DSE: variants seen among roughly 807,000 people sequenced by gnomAD.
DSE encodes dermatan sulfate epimerase, also known as dermatan-sulfate epimerase.
A neutral mutation model predicts 84.4 loss-of-function variants in DSE; 36 were observed. The ratio of observed to expected loss-of-function variants is 0.43; its 90% CI spans 0.33 to 0.56. The LOEUF (loss-of-function observed/expected upper bound fraction) is 0.56, where lower values mean the gene tolerates loss of function less well. Among genes scored for constraint, DSE ranks in the 20% least tolerant of loss-of-function variants. The pLI, the probability that DSE is intolerant of heterozygous loss-of-function variation, is 0.06. For synonymous variants in DSE, 410 were observed against 430.1 expected (o/e 0.95, Z 0.58); for missense variants, 862 against 1,169.6 (o/e 0.74, Z 3.84).
intron 2 of DSE, among the ~76,000 whole-genome samples, chr6:116,348,157 G>T (rs2114842609): frequency 6.6e-6 from 1 of 152,298 alleles, no homozygotes; most frequent in Admixed American, 6.5e-5. Context: ...GCTGGGCACG[G>T]TGGCTCACGC....
At chr6:116,329,585 T>C (rs1228442201) in intron 2 of DSE, among the ~76,000 whole-genome samples, 1 of 152,220 alleles carries the variant, frequency 6.6e-6, no homozygotes, top group African/African-American at 2.4e-5. Flanking sequence ...TTTTAAAGAT[T>C]TCATCACTAT....
At chr6:116,422,319 C>T (rs1490469922) in intron 2 of DSE, among the ~76,000 whole-genome samples, 1 of 152,216 alleles carries the variant, frequency 6.6e-6, no homozygotes, top group East Asian at 1.9e-4. Flanking sequence ...ATTCTTATTT[C>T]CAGTTGAAAG....
At chr6:116,339,024 T>G (rs1044319156) in intron 2 of DSE, among the ~76,000 whole-genome samples, 5 of 152,174 alleles carry the variant, frequency 3.3e-5, no homozygotes, top group African/African-American at 1.2e-4. Context: ...GCTCTGTTCA[T>G]CTGTATCCAT....
chr6:116,269,018 TAA>T (rs5879368), intron 2 of DSE, among the ~76,000 whole-genome samples: 7 of 145,938 alleles, frequency 4.8e-5, no homozygotes, highest in East Asian at 2.0e-4. Flanking sequence ...GATAATACTT[TAA>T]AAAAAAAAAG....
At chr6:116,375,387 C>T in intron 1 of DSE, 1 of 198,654 alleles carries the variant, frequency 5.0e-6, no homozygotes, top group Non-Finnish European at 9.0e-6. Flanking sequence ...ATCTTTCTTC[C>T]TAGCTACTTG....
At chr6:116,330,481 A>C (rs1303368161) in intron 2 of DSE, among the ~76,000 whole-genome samples, 2 of 152,230 alleles carry the variant, frequency 1.3e-5, no homozygotes, top group Admixed American at 1.3e-4. Flanking sequence ...ATTTATTTTA[A>C]TAAGGGAACT....
intron 2 of DSE, chr6:116,278,914 T>G: frequency 6.2e-7 from 1 of 1,614,128 alleles, no homozygotes; most frequent in Non-Finnish European, 8.5e-7. Flanking sequence ...CACCTCTAAA[T>G]TGGTTATGTA....
chr6:116,273,615 G>C (rs1392827141), intron 2 of DSE, among the ~76,000 whole-genome samples: 2 of 151,986 alleles, frequency 1.3e-5, no homozygotes, highest in Non-Finnish European at 2.9e-5. Flanking sequence ...GGTCCTCTCT[G>C]AGTTTGCTTG....
Position 116,437,396 on chromosome 6 carries a change from A to T in DSE, c.*51A>T. 9.5e-7 allele frequency: 1 copy of T among 1,047,402 alleles called. No individual in the cohort carries two copies. Among genetic ancestry groups the T allele is most frequent in the African/African-American group, 1.7e-5 (1 of 60,156 alleles). 64.9% of individuals were successfully genotyped at this position (1,047,402 alleles called of 1,614,324 possible). ...ATTTTGTGATCACAAGAGTCTATGC[A>T]AAAAAAAAAATTTCTTTACCCCAGA... On this transcript the variant is annotated 3_prime_UTR_variant, in exon 6 of 6. Transcript: ENST00000644252.
chr6:116,420,947 A>T (rs1022622539), intron 2 of DSE, among the ~76,000 whole-genome samples: 2 of 152,208 alleles, frequency 1.3e-5, no homozygotes, highest in Non-Finnish European at 2.9e-5. Flanking sequence ...ATAATATTTT[A>T]AAAAGCATTT....
chr6:116,275,005 A>G lies in DSE; in HGVS notation c.-54+16038A>G, dbSNP rs545963037. 6.6e-5 allele frequency among the ~76,000 whole-genome samples: 10 copies of G among 152,372 alleles called. No individual in the cohort carries two copies. In the East Asian group the frequency reaches 1.7e-3, roughly 26 times the overall value. On this transcript the variant is annotated intron_variant, in intron 2 of 3. Transcript: ENST00000430252. The stretch of plus-strand genomic sequence containing the variant: ...AAATGAGGATAATTAATTTTTCAAT[A>G]TATTTTAACACAATGTCAAAAATAT...
At chr6:116,408,501 C>T (rs1265554520) in intron 2 of DSE, among the ~76,000 whole-genome samples, 1 of 152,152 alleles carries the variant, frequency 6.6e-6, no homozygotes, top group Non-Finnish European at 1.5e-5. Flanking sequence ...AGAGTCTAAG[C>T]TTACTGAGAG....
At chr6:116,350,417 A>G (rs1423345467) in intron 2 of DSE, among the ~76,000 whole-genome samples, 1 of 152,182 alleles carries the variant, frequency 6.6e-6, no homozygotes, top group Non-Finnish European at 1.5e-5. Context: ...AAGAACTTGT[A>G]TCTCTTCTTT....
chr6:116,365,734 G>A (rs1354522335), upstream of DSE, among the ~76,000 whole-genome samples: 1 of 152,172 alleles, frequency 6.6e-6, no homozygotes, highest in Non-Finnish European at 1.5e-5. Flanking sequence ...GTACAACTAG[G>A]CATTGGTGTG....
At chr6:116,345,997 G>A (rs572283439) in intron 2 of DSE, among the ~76,000 whole-genome samples, 8 of 152,244 alleles carry the variant, frequency 5.3e-5, no homozygotes, top group East Asian at 1.9e-4. Context: ...ACACCTCTAC[G>A]CAAATAAACT....
At chr6:116,416,136 C>T (rs1176145527) in intron 2 of DSE, among the ~76,000 whole-genome samples, 4 of 152,214 alleles carry the variant, frequency 2.6e-5, no homozygotes, top group Non-Finnish European at 5.9e-5. Flanking sequence ...TCCATGGTCA[C>T]ATCTCTCTCC....
chr6:116,311,659 T>C (rs561260073), intron 2 of DSE, among the ~76,000 whole-genome samples: 4 of 152,208 alleles, frequency 2.6e-5, no homozygotes, highest in Non-Finnish European at 5.9e-5. Flanking sequence ...TTGCAGAACA[T>C]TGTGCTCCAA....
At position 116,327,393 on chromosome 6, in the gene DSE, G is replaced by C. The variant is rs149479223; in HGVS notation, c.-54+68426G>C. On this transcript the variant is annotated intron_variant, in intron 2 of 3. Coordinates refer to the DSE transcript ENST00000430252. ...AGTAAAGGAAGTGGAGAGTTTAAGG[G>C]ACAGCGTTAGGAAAAACTTCTGAGC... is the stretch of plus-strand genomic sequence containing the variant. Among the ~76,000 whole-genome samples, 83 of 152,314 alleles carry C rather than the reference G, an allele frequency of 5.4e-4. 1 individual carries two copies. Among genetic ancestry groups the C allele is most frequent in the African/African-American group, 1.9e-3 (81 of 41,566 alleles).
intron 2 of DSE, among the ~76,000 whole-genome samples, chr6:116,330,196 T>C (rs1350736823): frequency 6.6e-6 from 1 of 152,226 alleles, no homozygotes; most frequent in Non-Finnish European, 1.5e-5. Context: ...ACTTTATTAA[T>C]TTATTATTAG....
Sources: allele counts gnomAD v4.1 joint callset (sites outside exome capture counted in the v4.1 genomes callset), GRCh38; gene constraint gnomAD v4.1.1; transcripts MANE v1.5; gene names NCBI Gene and HGNC (gene_info 2026-07-23, HGNC 2026-07-21).